The following EML5 variants were observed in gnomAD, a reference collection of about 807,000 sequenced individuals.
The protein encoded by EML5 is EMAP like 5.
In EML5, 120 loss-of-function variants were observed where a neutral mutation model predicts 250.0. The observed-to-expected ratio is 0.48, with a 90% CI of 0.41 to 0.56. The LOEUF is 0.56. EML5 is among the 20% of genes least tolerant of loss of function. The pLI, the probability that EML5 is intolerant of heterozygous loss-of-function variation, is 0.00. For missense variants in EML5, 2,006 were observed against 2,437.6 expected, an observed-to-expected ratio of 0.82 and a Z score of 3.73; for synonymous variants, 771 against 806.5, an observed-to-expected ratio of 0.96 and a Z score of 0.75.
At chr14:88,618,598 A>C in intron 40 of EML5, 52 bp downstream of exon 40, 2 of 1,560,258 alleles carry the variant, frequency 1.3e-6, no homozygotes, top group South Asian at 2.4e-5. Context: ...ACTAACACGA[A>C]ATGTAAAAGC....
rs963720550 is a variant in EML5 at position 88,620,225 on chromosome 14, C to A, written c.5375+529G>T. ...TCAATAATCTTATCTACTGATCACA[C>A]GGAAGTACTCCGTAAATGGTAGCCA... On this transcript the variant is annotated intron_variant, in intron 39 of 43. Coordinates refer to ENST00000554922, the MANE Select transcript of EML5 (RefSeq NM_183387.3). This position sits in a 1 kb window ranked among gnomAD's most constrained non-coding sequence, Gnocchi z 4.3. 6.6e-6 allele frequency: 1 copy of A among 152,144 alleles called. No homozygotes were observed. The allele number at this position is 152,144 out of a possible 1,614,324, so 9.4% of individuals were successfully genotyped here.
chr14:88,651,455 A>C (rs72697913), intron 27 of EML5, among the ~76,000 whole-genome samples: 15 of 152,038 alleles, frequency 9.9e-5, no homozygotes, highest in Admixed American at 5.9e-4. Context: ...AATGGGTGGA[A>C]ATTTACATTT....
chr14:88,687,225 C>G lies in EML5; in HGVS notation c.2845G>C (p.Gly949Arg), dbSNP rs1485795718. The change falls in exon 19 of 44, where the codon GGA becomes CGA. Residue 949 changes from glycine (G) to arginine (R), a missense_variant. Gly to Arg is a moderately radical substitution (Grantham distance 125). Coordinates refer to ENST00000554922, the MANE Select transcript of EML5 (RefSeq NM_183387.3). ...YAIKRAALAP[G>R]SKGLLLEDNP... ...CTAAGTCTCAAATCACCTTTAGATC[C>G]TGGGGCCAATGCAGCTCTTTTTATA... 6.2e-7 allele frequency: 1 copy of G among 1,606,032 alleles called. No homozygotes were observed. Among genetic ancestry groups the G allele is most frequent in the East Asian group, 2.2e-5 (1 of 44,750 alleles).
intron 2 of EML5, among the ~76,000 whole-genome samples, chr14:88,746,676 T>A (rs963788169): frequency 6.6e-6 from 1 of 152,170 alleles, no homozygotes; most frequent in African/African-American, 2.4e-5. Context: ...CCTACTGGAC[T>A]CTAAAGGCAT....
Position 88,613,821 on chromosome 14 carries a change from A to T in EML5, c.*1997T>A, listed in dbSNP as rs1402861526. 3 of 152,188 alleles carry T rather than the reference A, an allele frequency of 2.0e-5. No homozygotes were observed. Among genetic ancestry groups the T allele is most frequent in the Admixed American group, 6.5e-5 (1 of 15,280 alleles). The allele number at this position is 152,188 out of a possible 1,614,324, so 9.4% of individuals were successfully genotyped here. ...TTAGATACTGCACACAAAAATAATT[A>T]TCTGGGTTAAAAAAGTAAACATAGG... On this transcript the variant is annotated 3_prime_UTR_variant, in exon 44 of 44. Coordinates refer to ENST00000554922, the MANE Select transcript of EML5 (RefSeq NM_183387.3).
At chr14:88,697,262 G>A (rs2093100503) in intron 14 of EML5, among the ~76,000 whole-genome samples, 1 of 152,092 alleles carries the variant, frequency 6.6e-6, no homozygotes, top group Non-Finnish European at 1.5e-5. Context: ...GATACAACGA[G>A]CAATAAGACA....
chr14:88,740,360 G>C, intron 5 of EML5, 27 bp downstream of exon 5: 1 of 1,569,216 alleles, frequency 6.4e-7, no homozygotes, highest in Non-Finnish European at 8.7e-7. Flanking sequence ...ACACATGAAA[G>C]TGTTTAAAAT....
At chr14:88,760,337 G>A (rs986422941) in intron 1 of EML5, among the ~76,000 whole-genome samples, 3 of 115,316 alleles carry the variant, frequency 2.6e-5, no homozygotes, top group African/African-American at 1.1e-4. Flanking sequence ...TGTAATGTAG[G>A]TTATAGTTGT....
chr14:88,765,896 G>T (rs149433959), intron 1 of EML5, among the ~76,000 whole-genome samples: 52 of 152,326 alleles, frequency 3.4e-4, no homozygotes, highest in African/African-American at 1.1e-3. Context: ...GACCCCGAAC[G>T]GAGGGACCGG....
At chr14:88,621,396 G>A (rs764905194) in intron 37 of EML5, 95 bp from the exon 38 acceptor site, 1 of 1,502,680 alleles carries the variant, frequency 6.7e-7, no homozygotes, top group Non-Finnish European at 9.1e-7. Context: ...TGCTTTCAGA[G>A]AACTTTTTGC....
intron 21 of EML5, among the ~76,000 whole-genome samples, chr14:88,673,622 G>A (rs2092523957): frequency 6.6e-6 from 1 of 152,194 alleles, no homozygotes; most frequent in African/African-American, 2.4e-5. Flanking sequence ...AGTATGTCTA[G>A]AAAACCCCAT....
At chr14:88,676,993 C>G (rs1163637382) in intron 21 of EML5, among the ~76,000 whole-genome samples, 1 of 152,204 alleles carries the variant, frequency 6.6e-6, no homozygotes, top group African/African-American at 2.4e-5. Context: ...CAACCTTCAC[C>G]TCCTGGGTTC....
intron 17 of EML5, among the ~76,000 whole-genome samples, chr14:88,690,402 G>A (rs1301301932): frequency 6.6e-6 from 1 of 152,224 alleles, no homozygotes; most frequent in Non-Finnish European, 1.5e-5. Flanking sequence ...AATGGTAAAT[G>A]TGGCAGACCA....
At chr14:88,682,063 ATG>A in intron 20 of EML5, 32 bp from the exon 21 acceptor site, 2 of 1,537,918 alleles carry the variant, frequency 1.3e-6, no homozygotes, top group South Asian at 1.3e-5. Flanking sequence ...AATTTAGTGT[ATG>A]TGTGTGTATA....
Position 88,792,065 on chromosome 14 carries a change from T to C in EML5, c.197+242A>G. On this transcript the variant is annotated intron_variant, in intron 1 of 43. Transcript: ENST00000554922. The surrounding 1 kb of genome is among the most constrained non-coding windows in gnomAD (Gnocchi z 6.9). ...AAGGGGACAAAGCCGTCAAACCGGG[T>C]GCCCGGTGGATCCGCGGACCTGATC... Among the ~76,000 whole-genome samples the C allele has an allele frequency of 1.3e-5, 2 of 152,200 alleles. 1 individual carries two copies. Among genetic ancestry groups the C allele is most frequent in the East Asian group, 3.9e-4 (2 of 5,180 alleles).
chr14:88,699,461 T>C (rs2093158256), intron 14 of EML5, among the ~76,000 whole-genome samples: 1 of 152,074 alleles, frequency 6.6e-6, no homozygotes, highest in Non-Finnish European at 1.5e-5. Context: ...CTCCCCTTTT[T>C]ATCTCTTATC....
intron 27 of EML5, among the ~76,000 whole-genome samples, chr14:88,653,507 G>C (rs528655333): frequency 1.3e-5 from 2 of 152,122 alleles, no homozygotes; most frequent in African/African-American, 4.8e-5. Flanking sequence ...TAGCATGAAG[G>C]GGTGCTGAAT....
intron 8 of EML5, among the ~76,000 whole-genome samples, chr14:88,716,538 C>A (rs544577938): frequency 3.3e-5 from 5 of 152,234 alleles, no homozygotes; most frequent in Non-Finnish European, 7.4e-5. Flanking sequence ...GCAGCTTTTA[C>A]TTTTTATGCC....
At chr14:88,638,990 C>CT in intron 31 of EML5, 83 bp from the exon 32 acceptor site, 3 of 998,914 alleles carry the variant, frequency 3.0e-6, no homozygotes, top group Non-Finnish European at 2.9e-6. Context: ...ATAAACTACT[C>CT]TTTAACTTAT....
Sources: allele counts gnomAD v4.1 joint callset (sites outside exome capture counted in the v4.1 genomes callset), GRCh38; gene constraint gnomAD v4.1.1; non-coding constraint Gnocchi (gnomAD v3.1); transcripts MANE v1.5; gene names NCBI Gene and HGNC (gene_info 2026-07-23, HGNC 2026-07-21).